Variants in QSOX2 observed in about 807,000 individuals in gnomAD.
The protein encoded by QSOX2 is quiescin sulfhydryl oxidase 2.
A neutral mutation model predicts 61.7 loss-of-function variants in QSOX2; 46 were observed. That is an observed-to-expected ratio of 0.75 (90% CI 0.59 to 0.95). The LOEUF is 0.95. QSOX2 is among the 40% of genes least tolerant of loss of function. QSOX2 has a pLI of 0.00. For synonymous variants in QSOX2, 383 were observed against 388.4 expected (o/e 0.99, Z 0.16); for missense variants, 879 against 918.9 (o/e 0.96, Z 0.56).
intron 11 of QSOX2, 77 bp downstream of exon 11, chr9:136,211,187 C>T: frequency 1.4e-6 from 2 of 1,468,796 alleles, no homozygotes; most frequent in Admixed American, 1.8e-5. Flanking sequence ...CCCACGGCAG[C>T]CGTGCCGTCC....
At position 136,219,174 on chromosome 9, in the gene QSOX2, AG is replaced by A; in HGVS notation, c.822-11del. ...CCGCAGAGGCTTCACGCTGTGAGAG[AG>A]GGGAGGGCAAAGGTGAGAAGAGCCT... On this transcript the variant is annotated splice_polypyrimidine_tract_variant and intron_variant, in intron 6 of 11. Coordinates refer to ENST00000358701, the MANE Select transcript of QSOX2 (RefSeq NM_181701.4). 1 of 1,611,386 alleles carries A rather than the reference AG, an allele frequency of 6.2e-7. No homozygotes were observed. The highest frequency in any genetic ancestry group is 2.2e-5 in the East Asian group (1 of 44,814).
At chr9:136,227,901 C>A (rs1407277953) in intron 1 of QSOX2, among the ~76,000 whole-genome samples, 1 of 152,162 alleles carries the variant, frequency 6.6e-6, no homozygotes, top group Non-Finnish European at 1.5e-5. Context: ...ACCGCTTGAG[C>A]CCGGAAGGCA....
In QSOX2 at chr9:136,228,269, G is replaced by A. The variant is rs117887165; in HGVS notation, c.329-1395C>T. Among the ~76,000 whole-genome samples the A allele has an allele frequency of 6.6e-4, 100 of 152,242 alleles. 2 individuals carry two copies. The East Asian group carries it at 0.015, about 22-fold the overall frequency. On this transcript the variant is annotated intron_variant, in intron 1 of 11. Transcript: ENST00000358701. ...AAATGGTGACGTGTCATCTCTCACC[G>A]TTTGCTCATGATGAGCTGGGACAAT...
chr9:136,232,106 A>C (rs1830337078), intron 1 of QSOX2, among the ~76,000 whole-genome samples: 1 of 152,162 alleles, frequency 6.6e-6, no homozygotes, highest in Non-Finnish European at 1.5e-5. Flanking sequence ...GGAAGGACAC[A>C]TAACAAAACC....
Position 136,224,929 on chromosome 9 carries a change from A to G in QSOX2, c.430-20T>C. 2 of 1,595,078 alleles carry G rather than the reference A, an allele frequency of 1.3e-6. No homozygotes were observed. Among genetic ancestry groups the G allele is most frequent in the Middle Eastern group, 1.7e-4 (1 of 6,028 alleles). On this transcript the variant is annotated intron_variant, in intron 2 of 11. Transcript: ENST00000358701. ...AAAATACTAAGAGGAAAAACACAGAACAAGTAAGAGGCAGCCTTCCATGGG... is the reference window on the plus strand; with the variant it reads ...AAAATACTAAGAGGAAAAACACAGAGCAAGTAAGAGGCAGCCTTCCATGGG...
chr9:136,218,880 C>G (rs1831946815), intron 7 of QSOX2, 72 bp from the exon 8 acceptor site: 2 of 1,584,156 alleles, frequency 1.3e-6, no homozygotes, highest in Admixed American at 1.7e-5. Flanking sequence ...TGTCCTGGCT[C>G]CTCCCCACGG....
At chr9:136,235,512 G>A (rs911033091) in intron 1 of QSOX2, among the ~76,000 whole-genome samples, 9 of 152,230 alleles carry the variant, frequency 5.9e-5, no homozygotes, top group African/African-American at 2.2e-4. Context: ...AGCTGGGCTC[G>A]GGCCGGTTCA....
Position 136,209,115 on chromosome 9 carries a change from C to T in QSOX2, c.1710G>A (p.Thr570=), listed in dbSNP as rs374752583. The stretch of plus-strand genomic sequence containing the variant: ...TGGAATCCCCCTGGTCTGCGGAATA[C>T]GTGTCTAAGAGGTTGTCGCGGCCAT... The part of the protein sequence containing the change: ...QHYGRDNLLD[T]YSADQGDSSE... The change falls in exon 12 of 12, where the codon ACG becomes ACA. Residue 570 remains threonine (T), a synonymous_variant. Transcript: ENST00000358701. The surrounding 1 kb of genome is among the most constrained non-coding windows in gnomAD (Gnocchi z 5.6). The T allele has an allele frequency of 1.3e-5, 21 of 1,614,182 alleles. No individual in the cohort carries two copies. Among genetic ancestry groups the T allele is most frequent in the Middle Eastern group, 1.6e-4 (1 of 6,062 alleles).
At chr9:136,211,473 C>CT in intron 10 of QSOX2, 21 bp from the exon 11 acceptor site, 1 of 1,609,506 alleles carries the variant, frequency 6.2e-7, no homozygotes, top group Non-Finnish European at 8.5e-7. Context: ...AGAAACACTG[C>CT]TGACAACGGC....
Position 136,209,266 on chromosome 9 carries a change from C to T in QSOX2, c.1559G>A (p.Ser520Asn). 2 of 1,611,874 alleles carry T rather than the reference C, an allele frequency of 1.2e-6. No individual in the cohort carries two copies. ...MVNGRLAGHLSEDPRFPKLQW... is the reference protein window; with the variant it reads ...MVNGRLAGHLNEDPRFPKLQW... ...AAGCTTTGGAAACCGGGGATCCTCACTCAGATGGCCTAGGAAGAAAAGGAA... is the reference window on the plus strand; with the variant it reads ...AAGCTTTGGAAACCGGGGATCCTCATTCAGATGGCCTAGGAAGAAAAGGAA... The change falls in exon 12 of 12, where the codon AGT (serine) becomes AAT (asparagine). Residue 520 changes from serine (S) to asparagine (N), a missense_variant. Transcript: ENST00000358701. The surrounding 1 kb of genome is among the most constrained non-coding windows in gnomAD (Gnocchi z 5.6).
In QSOX2 at chr9:136,223,726, C is replaced by T; in HGVS notation, c.675+37G>A. ...AGATCCACCGCCAACCCCAATCACA[C>T]CACGTGTGACACCTGGAGCCCACGC... On this transcript the variant is annotated intron_variant, in intron 5 of 11. Transcript: ENST00000358701. The surrounding 1 kb of genome is among the most constrained non-coding windows in gnomAD (Gnocchi z 4.4). The T allele has an allele frequency of 6.4e-7, 1 of 1,560,654 alleles. No homozygotes were observed. Among genetic ancestry groups the T allele is most frequent in the South Asian group, 1.1e-5 (1 of 89,344 alleles).
At position 136,245,638 on chromosome 9, in the gene QSOX2, A is replaced by G; in HGVS notation, c.166T>C (p.Tyr56His). ...GPGAGGAARLYRAGEDAVWVL... is the reference protein window; with the variant it reads ...GPGAGGAARLHRAGEDAVWVL... ...CACACGGCGTCCTCGCCCGCGCGGT[A>G]CAGCCGCGCCGCACCGCCCGCGCCC... The change falls in exon 1 of 12, where the codon TAC becomes CAC. Residue 56 changes from tyrosine (Y) to histidine (H), a missense_variant. Tyr to His is a moderately conservative substitution (Grantham distance 83, BLOSUM62 2). Coordinates refer to ENST00000358701, the MANE Select transcript of QSOX2 (RefSeq NM_181701.4). 2 of 1,383,828 alleles carry G rather than the reference A, an allele frequency of 1.4e-6. No individual in the cohort carries two copies. Among genetic ancestry groups the G allele is most frequent in the East Asian group, 6.0e-5 (2 of 33,148 alleles). 85.7% of individuals were successfully genotyped at this position (1,383,828 alleles called of 1,614,324 possible). A position where few individuals can be genotyped will look rare whatever the true frequency, so the allele number is the denominator to read the frequency against.
rs1474776887 is a variant in QSOX2 at position 136,222,803 on chromosome 9, T to A, written c.676-862A>T. Among the ~76,000 whole-genome samples the A allele has an allele frequency of 2.0e-5, 3 of 152,172 alleles. No individual in the cohort carries two copies. Among genetic ancestry groups the A allele is most frequent in the Non-Finnish European group, 2.9e-5 (2 of 68,014 alleles). ...GCCTCTTCTCAGGGGAACACCTGCC[T>A]CTGGTCTGCGTGTGTGGAGGCCCCG... is the stretch of plus-strand genomic sequence containing the variant. On this transcript the variant is annotated intron_variant, in intron 5 of 11. Transcript: ENST00000358701. The surrounding 1 kb of genome is among the most constrained non-coding windows in gnomAD (Gnocchi z 6.9).
At chr9:136,235,475 T>A (rs1830373008) in intron 1 of QSOX2, among the ~76,000 whole-genome samples, 2 of 152,172 alleles carry the variant, frequency 1.3e-5, no homozygotes, top group African/African-American at 2.4e-5. Context: ...AGGGACACCG[T>A]CATACGGAAG....
chr9:136,225,656 C>G (rs1830273787), intron 2 of QSOX2, among the ~76,000 whole-genome samples: 1 of 152,224 alleles, frequency 6.6e-6, no homozygotes, highest in African/African-American at 2.4e-5. Context: ...TGGCTTCTCT[C>G]CCAGCCTCAG....
At position 136,218,698 on chromosome 9, in the gene QSOX2, A is replaced by G. The variant is rs1831943515; in HGVS notation, c.1067T>C (p.Phe356Ser). The G allele has an allele frequency of 2.5e-6, 4 of 1,613,630 alleles. No individual in the cohort carries two copies. The highest frequency in any genetic ancestry group is 1.3e-5 in the African/African-American group (1 of 74,924). Residue 356 changes from phenylalanine to serine, a missense_variant, in exon 8 of 12, where the codon TTT (phenylalanine) becomes TCT (serine). Transcript: ENST00000358701. Reference protein sequence around the residue: ...AGAELKTLKDFVTVLAKLFPG... With the variant: ...AGAELKTLKDSVTVLAKLFPG... ...CCAAACCTTGGCCAAGACAGTCACA[A>G]AGTCCTTGAGCGTCTTCAGCTCTGC...
At chr9:136,211,828 C>T (rs1398040099) in intron 10 of QSOX2, among the ~76,000 whole-genome samples, 1 of 152,256 alleles carries the variant, frequency 6.6e-6, no homozygotes, top group African/African-American at 2.4e-5. Context: ...CGGAGTGCCG[C>T]TCTTCCCCGG....
chr9:136,242,172 G>A (rs1830438391), intron 1 of QSOX2, among the ~76,000 whole-genome samples: 1 of 152,250 alleles, frequency 6.6e-6, no homozygotes, highest in Non-Finnish European at 1.5e-5. Flanking sequence ...TACAACTTTT[G>A]TTTCTTAAGC....
At chr9:136,237,396 CCTGG>C (rs1830394906) in intron 1 of QSOX2, among the ~76,000 whole-genome samples, 1 of 147,124 alleles carries the variant, frequency 6.8e-6, no homozygotes, top group Non-Finnish European at 1.5e-5. Context: ...GCTGGCGTCA[CCTGG>C]AGCCTGTCCT....
Sources: gnomAD v4.1 joint callset for allele counts (sites outside exome capture counted in the v4.1 genomes callset) on GRCh38, gnomAD v4.1.1 for gene constraint, Gnocchi (gnomAD v3.1) non-coding constraint, MANE v1.5 for transcripts, NCBI Gene and HGNC (gene_info 2026-07-23, HGNC 2026-07-21) for gene names.